The following SDK1 variants were observed in gnomAD, a reference collection of about 807,000 sequenced individuals.
SDK1 encodes protein sidekick-1.
A neutral mutation model predicts 245.5 loss-of-function variants in SDK1; 157 were observed. The observed-to-expected ratio is 0.64, with a 90% CI of 0.56 to 0.73. The LOEUF is 0.73. SDK1 is among the 30% of genes least tolerant of loss of function. The probability of loss-of-function intolerance (pLI) is 0.00; values close to 1 mark genes in which losing one functional copy is unlikely to be tolerated. For synonymous variants in SDK1, 1,647 were observed against 1,278.5 expected (o/e 1.29, Z -6.15); for missense variants, 3,583 against 3,002.3 (o/e 1.19, Z -4.52).
chr7:3,386,283 G>C (rs1018107373), intron 1 of SDK1, among the ~76,000 whole-genome samples: 5 of 152,104 alleles, frequency 3.3e-5, no homozygotes, highest in African/African-American at 1.2e-4. Context: ...GTTTGGGTTT[G>C]GTGATACTTT....
At chr7:3,499,672 G>C (rs542397278) in intron 1 of SDK1, among the ~76,000 whole-genome samples, 2 of 152,344 alleles carry the variant, frequency 1.3e-5, no homozygotes, top group South Asian at 2.1e-4. Context: ...GGGCACGGCA[G>C]TGTTGCCACT....
intron 28 of SDK1, among the ~76,000 whole-genome samples, chr7:4,137,683 C>A (rs960469616): frequency 1.3e-5 from 2 of 152,206 alleles, no homozygotes; most frequent in African/African-American, 4.8e-5. Flanking sequence ...AAAAACAGGG[C>A]TCCTCGTAAG....
chr7:3,557,731 C>G (rs927025368), intron 1 of SDK1, among the ~76,000 whole-genome samples: 1 of 152,084 alleles, frequency 6.6e-6, no homozygotes, highest in Non-Finnish European at 1.5e-5. Context: ...CTATAACTTG[C>G]ATGTGAATCT....
chr7:3,478,172 A>T (rs1304543692), intron 1 of SDK1, among the ~76,000 whole-genome samples: 1 of 151,782 alleles, frequency 6.6e-6, no homozygotes, highest in South Asian at 2.1e-4. Flanking sequence ...ATCCCTCATT[A>T]TTTTCCTGAA....
At chr7:4,060,288 G>T (rs1441088560) in intron 19 of SDK1, among the ~76,000 whole-genome samples, 1 of 152,130 alleles carries the variant, frequency 6.6e-6, no homozygotes, top group Non-Finnish European at 1.5e-5. Context: ...TCAGAAAAAA[G>T]TAGAAAGATT....
At chr7:4,087,320 C>T (rs542130704) in intron 22 of SDK1, among the ~76,000 whole-genome samples, 7 of 152,192 alleles carry the variant, frequency 4.6e-5, no homozygotes, top group African/African-American at 1.7e-4. Flanking sequence ...TTCTCATACG[C>T]ACTTTGGTCT....
chr7:3,662,288 T>C (rs1186032613), intron 4 of SDK1, among the ~76,000 whole-genome samples: 2 of 152,192 alleles, frequency 1.3e-5, no homozygotes, highest in African/African-American at 4.8e-5. Context: ...TATCATCATC[T>C]GAACATCTCA....
At chr7:3,628,645 T>G (rs550556289) in intron 2 of SDK1, among the ~76,000 whole-genome samples, 1 of 152,226 alleles carries the variant, frequency 6.6e-6, no homozygotes, top group Non-Finnish European at 1.5e-5. Context: ...ATTCTATGGC[T>G]GAGTCCTGTC....
chr7:4,105,965 G>A (rs988465487), intron 22 of SDK1, among the ~76,000 whole-genome samples: 8 of 152,228 alleles, frequency 5.3e-5, no homozygotes, highest in African/African-American at 1.9e-4. Flanking sequence ...ACCTGCCTGG[G>A]TTCCCCAATC....
At chr7:3,858,099 C>G (rs760616073) in intron 5 of SDK1, among the ~76,000 whole-genome samples, 4 of 151,952 alleles carry the variant, frequency 2.6e-5, no homozygotes, top group Non-Finnish European at 5.9e-5. Flanking sequence ...TGGTTTAAAC[C>G]ATAGTATATT....
At chr7:4,023,032 C>T (rs1787047140) in intron 17 of SDK1, among the ~76,000 whole-genome samples, 1 of 152,054 alleles carries the variant, frequency 6.6e-6, no homozygotes, top group Non-Finnish European at 1.5e-5. Flanking sequence ...CCTCGGCCTC[C>T]CAAAGTGCTG....
At chr7:3,665,287 T>A (rs1583286479) in intron 4 of SDK1, among the ~76,000 whole-genome samples, 1 of 152,194 alleles carries the variant, frequency 6.6e-6, no homozygotes, top group East Asian at 1.9e-4. Flanking sequence ...TTCACTATAT[T>A]TTCCCGTGGC....
chr7:3,434,370 G>A (rs932938261), intron 1 of SDK1, among the ~76,000 whole-genome samples: 1 of 152,106 alleles, frequency 6.6e-6, no homozygotes, highest in African/African-American at 2.4e-5. Context: ...TTTTTACTTA[G>A]GTGTCCTCCC....
chr7:3,413,756 G>T (rs1168197691), intron 1 of SDK1, among the ~76,000 whole-genome samples: 2 of 152,200 alleles, frequency 1.3e-5, no homozygotes, highest in Non-Finnish European at 2.9e-5. Flanking sequence ...GCGAGGCCAT[G>T]GTGGGAGGAT....
intron 4 of SDK1, among the ~76,000 whole-genome samples, chr7:3,699,536 G>A (rs1466518304): frequency 6.6e-6 from 1 of 152,182 alleles, no homozygotes; most frequent in African/African-American, 2.4e-5. Context: ...GGAGAGGACA[G>A]GGAAAAGAAT....
intron 5 of SDK1, among the ~76,000 whole-genome samples, chr7:3,937,071 G>C (rs921352472): frequency 6.6e-6 from 1 of 152,148 alleles, no homozygotes; most frequent in African/African-American, 2.4e-5. Context: ...AATACTGTCC[G>C]TGCAGTGGCG....
chr7:3,592,028 T>A (rs1010770372), intron 1 of SDK1, among the ~76,000 whole-genome samples: 1 of 152,218 alleles, frequency 6.6e-6, no homozygotes, highest in African/African-American at 2.4e-5. Context: ...TTTTACCATT[T>A]GTGGAAATTA....
At chr7:4,014,393 C>G (rs55952429) in intron 16 of SDK1, among the ~76,000 whole-genome samples, 10,380 of 152,124 alleles carry the variant, frequency 0.068, 1,113 homozygotes, top group African/African-American at 0.23. Context: ...CAGAAAGCTC[C>G]AAGATGAGGG....
At chr7:3,705,455 T>C (rs1784857293) in intron 4 of SDK1, among the ~76,000 whole-genome samples, 1 of 131,178 alleles carries the variant, frequency 7.6e-6, no homozygotes, top group South Asian at 2.2e-4. Flanking sequence ...TATTTTATTT[T>C]ATTTTATTTT....
Sources: gnomAD v4.1 joint callset for allele counts (sites outside exome capture counted in the v4.1 genomes callset) on GRCh38, gnomAD v4.1.1 for gene constraint, MANE v1.5 for transcripts, NCBI Gene and HGNC (gene_info 2026-07-23, HGNC 2026-07-21) for gene names.